The following SLC2A14 variants were observed in gnomAD, a reference collection of about 807,000 sequenced individuals.
SLC2A14 encodes the protein solute carrier family 2 member 14.
A neutral mutation model predicts 43.0 loss-of-function variants in SLC2A14; 13 were observed. The observed-to-expected ratio is 0.30, with a 90% CI of 0.20 to 0.48. The LOEUF (loss-of-function observed/expected upper bound fraction) is 0.48, where lower values mean the gene tolerates loss of function less well. SLC2A14 is among the 20% of genes least tolerant of loss of function. The pLI, the probability that SLC2A14 is intolerant of heterozygous loss-of-function variation, is 0.99. For missense variants in SLC2A14, 428 were observed against 620.4 expected (o/e 0.69, Z 3.29); for synonymous variants, 190 against 233.8 (o/e 0.81, Z 1.71).
chr12:7,836,573 T>C (rs928554711), intron 2 of SLC2A14, among the ~76,000 whole-genome samples: 3 of 152,108 alleles, frequency 2.0e-5, no homozygotes, highest in Non-Finnish European at 4.4e-5. Flanking sequence ...CTCACACCTG[T>C]AAGCCCAGCA....
At chr12:7,860,793 CTT>C (rs71281853) in intron 2 of SLC2A14, 11 of 146,880 alleles carry the variant, frequency 7.5e-5, no homozygotes, top group African/African-American at 2.2e-4. Flanking sequence ...TACTTGTCAA[CTT>C]TTTTTTTTTT....
At chr12:7,882,820 A>G (rs1331906627) in intron 1 of SLC2A14, among the ~76,000 whole-genome samples, 1 of 151,880 alleles carries the variant, frequency 6.6e-6, no homozygotes, top group Non-Finnish European at 1.5e-5. Context: ...CTGGGTGATG[A>G]GTGAGGCTGT....
intron 2 of SLC2A14, chr12:7,839,663 C>G: frequency 3.2e-6 from 1 of 309,568 alleles, no homozygotes; most frequent in Admixed American, 4.5e-5. Context: ...TGTGTTCCCT[C>G]CAAAATTAAT....
chr12:7,877,005 CTTTTTTTT>C (rs57906469), upstream of SLC2A14, among the ~76,000 whole-genome samples: 1 of 132,932 alleles, frequency 7.5e-6, no homozygotes, highest in Admixed American at 7.7e-5. Context: ...AATTTTTTTT[CTTTTTTTT>C]TTTTTTTTGA....
At chr12:7,851,238 TGAA>T (rs1489921881) in intron 2 of SLC2A14, among the ~76,000 whole-genome samples, 1 of 152,196 alleles carries the variant, frequency 6.6e-6, no homozygotes, top group South Asian at 2.1e-4. Flanking sequence ...GTCTTATGGC[TGAA>T]GAAGGATACT....
chr12:7,847,650 G>A (rs762954497), intron 2 of SLC2A14, among the ~76,000 whole-genome samples: 11 of 152,022 alleles, frequency 7.2e-5, no homozygotes, highest in East Asian at 3.9e-4. Context: ...TCACCTTCCA[G>A]CTCCAATCTG....
chr12:7,851,561 A>C (rs1866940603), intron 2 of SLC2A14, among the ~76,000 whole-genome samples: 1 of 152,222 alleles, frequency 6.6e-6, no homozygotes, highest in Non-Finnish European at 1.5e-5. Context: ...CATTGAGATC[A>C]GGAAACATTA....
rs1261626213 is a variant in SLC2A14, at chr12:7,816,393, C to T, written c.1275+1438G>A. Among the ~76,000 whole-genome samples, 2 of 45,842 alleles carry T rather than the reference C, an allele frequency of 4.4e-5. 1 individual carries two copies. The highest frequency in any genetic ancestry group is 8.4e-5 in the Non-Finnish European group (2 of 23,738). The allele number at this position is 45,842 out of a possible 152,430, so 30.1% of individuals were successfully genotyped here. On this transcript the variant is annotated intron_variant, in intron 10 of 10. Transcript: ENST00000431042. ...TGCTGGGATTACAGGCGTGAGCCACCGCGCCCGGCCATTTCTTGAATTTTT... is the reference window on the plus strand; with the variant it reads ...TGCTGGGATTACAGGCGTGAGCCACTGCGCCCGGCCATTTCTTGAATTTTT...
chr12:7,867,495 T>A (rs1371290351), intron 2 of SLC2A14, among the ~76,000 whole-genome samples: 1 of 151,958 alleles, frequency 6.6e-6, no homozygotes, highest in Non-Finnish European at 1.5e-5. Context: ...ACTGAATTGT[T>A]GCAATCTCAT....
intron 1 of SLC2A14, among the ~76,000 whole-genome samples, chr12:7,887,408 T>C (rs1488342140): frequency 1.3e-5 from 2 of 152,082 alleles, no homozygotes; most frequent in South Asian, 4.1e-4. Context: ...TTAGCATCTC[T>C]AACAAGCTCC....
chr12:7,865,322 G>A (rs1401742352), intron 2 of SLC2A14, among the ~76,000 whole-genome samples: 1 of 152,054 alleles, frequency 6.6e-6, no homozygotes, highest in East Asian at 1.9e-4. Context: ...CGGATCACGA[G>A]GTCAGGAGAT....
chr12:7,838,755 G>C (rs928877164), intron 2 of SLC2A14, among the ~76,000 whole-genome samples: 1 of 152,218 alleles, frequency 6.6e-6, no homozygotes, highest in African/African-American at 2.4e-5. Context: ...AGAGGGCAAA[G>C]TGTTATGGAC....
intron 1 of SLC2A14, among the ~76,000 whole-genome samples, chr12:7,883,965 C>T (rs1793819589): frequency 6.6e-6 from 1 of 150,612 alleles, no homozygotes; most frequent in Non-Finnish European, 1.5e-5. Context: ...GGTCTGTCGC[C>T]CAGGCTGGAG....
chr12:7,818,123 C>T lies in SLC2A14; in HGVS notation c.1072-89G>A, dbSNP rs187323959. On this transcript the variant is annotated intron_variant, in intron 9 of 10. Coordinates refer to ENST00000431042, the MANE Select transcript of SLC2A14 (RefSeq NM_001286234.2). ...CAGAGGCAACTAATGGCAAGCTCCT[C>T]CTGTCCTGACGTACAATACAAAGAG... is the stretch of plus-strand genomic sequence containing the variant. 491 of 1,195,912 alleles carry T rather than the reference C, an allele frequency of 4.1e-4. 4 individuals are homozygous for T. In the Admixed American group the frequency reaches 0.012, roughly 28 times the overall value. The allele number at this position is 1,195,912 out of a possible 1,614,324, so 74.1% of individuals were successfully genotyped here. A position where few individuals can be genotyped will look rare whatever the true frequency, so the allele number is the denominator to read the frequency against.
At chr12:7,847,057 A>G (rs1393343326) in intron 2 of SLC2A14, among the ~76,000 whole-genome samples, 1 of 151,656 alleles carries the variant, frequency 6.6e-6, no homozygotes, top group African/African-American at 2.4e-5. Flanking sequence ...GTTCAAGGCC[A>G]GCCTGACCAA....
upstream of SLC2A14, among the ~76,000 whole-genome samples, chr12:7,874,869 C>CATATTT (rs1565584921): frequency 1.3e-5 from 1 of 79,308 alleles, no homozygotes; most frequent in African/African-American, 5.7e-5. Flanking sequence ...TATATAAATA[C>CATATTT]ATATATAAAT....
At chr12:7,828,588 T>C in intron 6 of SLC2A14, 116 bp downstream of exon 6, 1 of 1,129,820 alleles carries the variant, frequency 8.9e-7, no homozygotes, top group Middle Eastern at 2.6e-4. Flanking sequence ...AGAACCATCT[T>C]CACTTGGATT....
chr12:7,825,458 T>TAA (rs764499177), intron 7 of SLC2A14, among the ~76,000 whole-genome samples: 1 of 15,050 alleles, frequency 6.6e-5, no homozygotes, highest in African/African-American at 1.4e-4. Flanking sequence ...AGACTACCTC[T>TAA]CAAAAAAAAA....
rs192207785 is a variant in SLC2A14 at position 7,817,857 on chromosome 12, C to T, written c.1249G>A (p.Val417Ile). 26 of 1,614,002 alleles carry T rather than the reference C, an allele frequency of 1.6e-5. No individual in the cohort carries two copies. The highest frequency in any genetic ancestry group is 2.5e-6 in the Non-Finnish European group (3 of 1,179,946). Reference protein sequence around the residue: ...GCSNWTSNFLVGLLFPSAAYY... With the variant: ...GCSNWTSNFLIGLLFPSAAYY... The stretch of plus-strand genomic sequence containing the variant: ...GCAGCAGAGGGGAAGAGCAATCCGA[C>T]TAGGAAGTTGGAGGTCCAGTTGGAG... The change falls in exon 10 of 11, where the codon GTC becomes ATC. Residue 417 changes from valine (V) to isoleucine (I), a missense_variant. Val to Ile is a conservative substitution (Grantham distance 29). Coordinates refer to ENST00000431042, the MANE Select transcript of SLC2A14 (RefSeq NM_001286234.2).
Sources: allele counts gnomAD v4.1 joint callset (sites outside exome capture counted in the v4.1 genomes callset), GRCh38; gene constraint gnomAD v4.1.1; transcripts MANE v1.5; gene names NCBI Gene and HGNC (gene_info 2026-07-23, HGNC 2026-07-21).